Variants in IL13RA1 observed in about 807,000 individuals in gnomAD.
IL13RA1 encodes the protein interleukin 13 receptor subunit alpha 1.
A neutral mutation model predicts 33.8 loss-of-function variants in IL13RA1; 14 were observed. The ratio of observed to expected loss-of-function variants is 0.41; its 90% confidence interval spans 0.27 to 0.65. The LOEUF is 0.65. Among genes scored for constraint, IL13RA1 ranks in the 30% least tolerant of loss-of-function variants. The pLI is 0.28. For synonymous variants in IL13RA1, 116 were observed against 115.7 expected (o/e 1.00, Z -0.02); for missense variants, 313 against 327.0 (o/e 0.96, Z 0.33).
chrX:118,764,506 A>G (rs2017625712), intron 6 of IL13RA1, among the ~76,000 whole-genome samples: 1 of 109,385 alleles, frequency 9.1e-6, no homozygotes, highest in Non-Finnish European at 1.9e-5. Context: ...CCTCTGTATG[A>G]AATATTGAAA....
chrX:118,795,227 A>AGAAAG (rs753899946), downstream of IL13RA1, among the ~76,000 whole-genome samples: 10 of 95,008 alleles, frequency 1.1e-4, 1 homozygote, highest in East Asian at 9.6e-4. Flanking sequence ...AAAAAAAAAA[A>AGAAAG]AAAGAAAAAG....
chrX:118,732,577 C>G (rs909166492), intron 1 of IL13RA1, among the ~76,000 whole-genome samples: 1 of 107,813 alleles, frequency 9.3e-6, no homozygotes, highest in Admixed American at 1.0e-4. Flanking sequence ...CAACAGGCCC[C>G]GGTGTGTGAT....
the IL13RA1 span, among the ~76,000 whole-genome samples, chrX:118,801,196 T>C: frequency 8.8e-6 from 1 of 113,023 alleles, no homozygotes; most frequent in Non-Finnish European, 1.9e-5. Context: ...CCTCTGAGAA[T>C]GTTGAAAGCA....
intron 10 of IL13RA1, among the ~76,000 whole-genome samples, chrX:118,787,187 A>G (rs890969364): frequency 2.7e-5 from 3 of 111,435 alleles, no homozygotes; most frequent in African/African-American, 6.5e-5. Context: ...TATTTTCCCT[A>G]AGTGTCAGCC....
intron 10 of IL13RA1, among the ~76,000 whole-genome samples, chrX:118,779,246 G>C (rs1325481800): frequency 9.0e-6 from 1 of 111,524 alleles, no homozygotes; most frequent in East Asian, 2.8e-4. Flanking sequence ...GAATCTTTGA[G>C]CCTATGATTA....
At chrX:118,757,456 G>A (rs768378646) in intron 4 of IL13RA1, among the ~76,000 whole-genome samples, 1 of 102,271 alleles carries the variant, frequency 9.8e-6, no homozygotes, top group South Asian at 4.7e-4. Context: ...CTCGGGAGGC[G>A]GAGGCTGCAG....
chrX:118,742,637 A>G (rs1390998311), intron 2 of IL13RA1, among the ~76,000 whole-genome samples: 3 of 111,915 alleles, frequency 2.7e-5, no homozygotes, highest in Admixed American at 1.9e-4. Context: ...GTAGAATCAG[A>G]TAGAATTGTG....
In IL13RA1 at chrX:118,766,860, TG is replaced by T; in HGVS notation, c.895del (p.Val299SerfsTer9). The T allele has an allele frequency of 9.5e-7, 1 of 1,050,279 alleles. No individual in the cohort carries two copies. The highest frequency in any genetic ancestry group is 1.3e-6 in the Non-Finnish European group (1 of 760,701). The allele number at this position is 1,050,279 out of a possible 1,213,427, so 86.6% of individuals were successfully genotyped here. A position where few individuals can be genotyped will look rare whatever the true frequency, so the allele number is the denominator to read the frequency against. On this transcript the variant is annotated frameshift_variant, in exon 8 of 11. Coordinates refer to ENST00000371666, the MANE Select transcript of IL13RA1 (RefSeq NM_001560.3). LOFTEE classifies it high-confidence loss of function. The stretch of plus-strand genomic sequence containing the variant: ...ATGCCTAAGAATACATCTTGTTTCA[TG>T]GTCCCTGGTGTTCTTCCTGATACTT... The part of the protein sequence containing the change: ...ERNVENTSCF[M>X]VPGVLPDTLN...
intron 1 of IL13RA1, among the ~76,000 whole-genome samples, chrX:118,732,560 C>A (rs759340103): frequency 2.7e-5 from 3 of 109,115 alleles, no homozygotes; most frequent in South Asian, 4.0e-4. Context: ...CCCATCCCCC[C>A]ACCCCACAAC....
rs1019839739 is a variant in IL13RA1 at position 118,727,744 on chromosome X, G to A, written c.88+18G>A. 3 of 760,522 alleles carry A rather than the reference G, an allele frequency of 3.9e-6. No homozygotes were observed. Among genetic ancestry groups the A allele is most frequent in the Non-Finnish European group, 5.0e-6 (3 of 603,877 alleles). 62.7% of individuals were successfully genotyped at this position (760,522 alleles called of 1,213,427 possible). ...GCCTACGGGTGAGTGCGACCCTCGGGGCCCGAGGGGCGGCCGGAGGGCTGA... is the reference window on the plus strand; with the variant it reads ...GCCTACGGGTGAGTGCGACCCTCGGAGCCCGAGGGGCGGCCGGAGGGCTGA... On this transcript the variant is annotated intron_variant, in intron 1 of 10. Coordinates refer to ENST00000371666, the MANE Select transcript of IL13RA1 (RefSeq NM_001560.3).
chrX:118,731,231 G>GATAC (rs1225872329), intron 1 of IL13RA1, among the ~76,000 whole-genome samples: 1 of 111,331 alleles, frequency 9.0e-6, no homozygotes, highest in Non-Finnish European at 1.9e-5. Flanking sequence ...AGGTAGAAGG[G>GATAC]ATACTTGTTC....
chrX:118,753,065 A>G (rs2017488309), intron 4 of IL13RA1, among the ~76,000 whole-genome samples: 1 of 111,934 alleles, frequency 8.9e-6, no homozygotes, highest in Non-Finnish European at 1.9e-5. Flanking sequence ...CCTTTAAAGA[A>G]TCTATGTCTA....
chrX:118,776,659 T>C, intron 10 of IL13RA1, 148 bp downstream of exon 10: 1 of 359,496 alleles, frequency 2.8e-6, no homozygotes, highest in Non-Finnish European at 4.8e-6. Flanking sequence ...AGGCTGGGTA[T>C]GGCAGCTGAC....
At chrX:118,755,373 G>A (rs1254193634) in intron 4 of IL13RA1, among the ~76,000 whole-genome samples, 1 of 107,045 alleles carries the variant, frequency 9.3e-6, no homozygotes, top group Non-Finnish European at 1.9e-5. Context: ...TCATGCCAGC[G>A]AATTTTAGGG....
chrX:118,733,112 G>T (rs1413283559), intron 1 of IL13RA1, among the ~76,000 whole-genome samples: 2 of 112,095 alleles, frequency 1.8e-5, no homozygotes, highest in Non-Finnish European at 3.8e-5. Flanking sequence ...GAACCTGGGT[G>T]TAGAATATCT....
At chrX:118,774,152 C>CTTTTTTTTTT (rs749517738) in intron 9 of IL13RA1, among the ~76,000 whole-genome samples, 177 bp downstream of exon 9, 2 of 95,363 alleles carry the variant, frequency 2.1e-5, no homozygotes, top group Non-Finnish European at 2.1e-5. Context: ...CTTTTCTTTT[C>CTTTTTTTTTT]TTTTTTTTTT....
the IL13RA1 span, among the ~76,000 whole-genome samples, chrX:118,800,795 A>AT: frequency 1.8e-5 from 2 of 108,764 alleles, no homozygotes; most frequent in Admixed American, 9.7e-5. Context: ...TATTTTATTT[A>AT]TTTTTTTTGA....
In IL13RA1 at chrX:118,766,830, AT is replaced by A; in HGVS notation, c.877-10del. The A allele has an allele frequency of 1.0e-6, 1 of 969,170 alleles. No individual in the cohort carries two copies. Among genetic ancestry groups the A allele is most frequent in the Non-Finnish European group, 1.4e-6 (1 of 697,116 alleles). The allele number at this position is 969,170 out of a possible 1,213,427, so 79.9% of individuals were successfully genotyped here. A position where few individuals can be genotyped will look rare whatever the true frequency, so the allele number is the denominator to read the frequency against. ...CTGGTAATATTCCTTGTGTATTTTT[AT>A]TTTATGCCTAAGAATACATCTTGTT... On this transcript the variant is annotated splice_polypyrimidine_tract_variant and intron_variant, in intron 7 of 10. Transcript: ENST00000371666.
intron 6 of IL13RA1, among the ~76,000 whole-genome samples, chrX:118,763,841 C>A (rs903002565): frequency 9.4e-6 from 1 of 106,603 alleles, no homozygotes; most frequent in Non-Finnish European, 1.9e-5. Context: ...TTTTTACAAA[C>A]TTCTGAACTG....
Sources: gnomAD v4.1 joint callset for allele counts (sites outside exome capture counted in the v4.1 genomes callset) on GRCh38, gnomAD v4.1.1 for gene constraint, MANE v1.5 for transcripts, NCBI Gene and HGNC (gene_info 2026-07-23, HGNC 2026-07-21) for gene names.